Variants in VAV2 observed in about 807,000 individuals in gnomAD.
VAV2 encodes vav guanine nucleotide exchange factor 2, also known as guanine nucleotide exchange factor VAV2.
In VAV2, 67 loss-of-function variants were observed where a neutral mutation model predicts 132.5. The ratio of observed to expected loss-of-function variants is 0.51; its 90% confidence interval spans 0.42 to 0.62. The LOEUF (loss-of-function observed/expected upper bound fraction) is 0.62. Ranked by LOEUF, VAV2 falls within the 20% of genes least tolerant of loss-of-function variation. The pLI, the probability that VAV2 is intolerant of heterozygous loss-of-function variation, is 0.00. For synonymous variants in VAV2, 492 were observed against 443.5 expected, an observed-to-expected ratio of 1.11 and a Z score of -1.37; for missense variants, 938 against 1,153.6, an observed-to-expected ratio of 0.81 and a Z score of 2.71.
chr9:133,972,901 G>T (rs1376883946), intron 1 of VAV2, among the ~76,000 whole-genome samples: 1 of 152,184 alleles, frequency 6.6e-6, no homozygotes, highest in Non-Finnish European at 1.5e-5. Flanking sequence ...TTAGGCACTG[G>T]CTACTCCCAT....
At chr9:133,894,611 CAGG>C (rs1355100860) in intron 2 of VAV2, among the ~76,000 whole-genome samples, 1 of 152,194 alleles carries the variant, frequency 6.6e-6, no homozygotes, top group African/African-American at 2.4e-5. Flanking sequence ...CACAGGCTCC[CAGG>C]AGGAGGAGGG....
chr9:133,897,522 C>G (rs2519781), intron 2 of VAV2, among the ~76,000 whole-genome samples: 150,367 of 152,208 alleles, frequency 0.99, 74,308 homozygotes, highest in East Asian at 1. Flanking sequence ...GGAGGGTGAG[C>G]TCCTTCCTGT....
At chr9:133,785,258 C>A (rs1302739892) in intron 17 of VAV2, among the ~76,000 whole-genome samples, 1 of 152,250 alleles carries the variant, frequency 6.6e-6, no homozygotes, top group African/African-American at 2.4e-5. Flanking sequence ...GCACAGACAA[C>A]CCTGCTGGCC....
At chr9:133,828,834 G>A (rs945979564) in intron 4 of VAV2, among the ~76,000 whole-genome samples, 19 of 152,222 alleles carry the variant, frequency 1.2e-4, no homozygotes, top group East Asian at 3.9e-4. Context: ...CTCCAGCCTC[G>A]CCTTCCACAC....
chr9:133,977,280 C>A (rs1842544359), intron 1 of VAV2, among the ~76,000 whole-genome samples: 1 of 152,220 alleles, frequency 6.6e-6, no homozygotes, highest in Non-Finnish European at 1.5e-5. Flanking sequence ...CAGCTCAGAT[C>A]TGAAGGGGGT....
chr9:133,799,801 C>T (rs1436595227), intron 9 of VAV2, among the ~76,000 whole-genome samples: 1 of 152,182 alleles, frequency 6.6e-6, no homozygotes, highest in Admixed American at 6.5e-5. Context: ...ACAAAAGCTT[C>T]AGAAGCCCCC....
At position 133,795,707 on chromosome 9, in the gene VAV2, A is replaced by G; in HGVS notation, c.1062T>C (p.Pro354=). 6.2e-7 allele frequency: 1 copy of G among 1,614,132 alleles called. No individual in the cohort carries two copies. Among genetic ancestry groups the G allele is most frequent in the Non-Finnish European group, 8.5e-7 (1 of 1,179,982 alleles). The change falls in exon 12 of 30, where the codon CCT becomes CCC. Residue 354 remains proline (P), a synonymous_variant. Coordinates refer to ENST00000371850, the MANE Select transcript of VAV2 (RefSeq NM_001134398.2). ...GTGCTTCTTTGAGCTGCTGCCTCTC[A>G]GGCCGTTCCGCAGAATGGCTCAGAA... ...KELLSHSAER[P]ERQQLKEALE...
intron 4 of VAV2, among the ~76,000 whole-genome samples, chr9:133,822,825 G>C (rs1006965866): frequency 1.3e-5 from 2 of 152,144 alleles, no homozygotes. Context: ...CCCTGGGCCA[G>C]GTCACAAGGA....
At chr9:133,793,338 A>AGCCAG (rs1479838838) in intron 12 of VAV2, among the ~76,000 whole-genome samples, 1 of 151,906 alleles carries the variant, frequency 6.6e-6, no homozygotes, top group Non-Finnish European at 1.5e-5. Flanking sequence ...CCAGAGCCAG[A>AGCCAG]GCCAGGTCTT....
In VAV2 at chr9:133,769,411, C is replaced by T. The variant is rs369873116; in HGVS notation, c.2434+6G>A. On this transcript the variant is annotated splice_donor_region_variant and intron_variant, in intron 28 of 29. Coordinates refer to ENST00000371850, the MANE Select transcript of VAV2 (RefSeq NM_001134398.2). This position sits in a 1 kb window ranked among gnomAD's most constrained non-coding sequence, Gnocchi z 8.1. The stretch of plus-strand genomic sequence containing the variant: ...GGTCCCCCCACGCCCTGGGGAGCAG[C>T]GGTACCTGACCAGAAGGGAGCGGAG... 303 of 1,608,792 alleles carry T rather than the reference C, an allele frequency of 1.9e-4. No individual in the cohort carries two copies. Among genetic ancestry groups the T allele is most frequent in the Non-Finnish European group, 2.4e-4 (288 of 1,177,858 alleles).
At chr9:133,821,398 G>GT (rs1372928494) in intron 4 of VAV2, among the ~76,000 whole-genome samples, 1 of 152,192 alleles carries the variant, frequency 6.6e-6, no homozygotes, top group Non-Finnish European at 1.5e-5. Context: ...AGCCCTTCCT[G>GT]TTTCTAGCTC....
At chr9:133,874,358 C>T (rs946718482) in intron 2 of VAV2, among the ~76,000 whole-genome samples, 18 of 152,272 alleles carry the variant, frequency 1.2e-4, no homozygotes, top group African/African-American at 4.1e-4. Context: ...CTGCAGGAGC[C>T]AGGCACAGAT....
chr9:133,957,190 CT>C (rs1252170362), intron 1 of VAV2, among the ~76,000 whole-genome samples: 1 of 152,204 alleles, frequency 6.6e-6, no homozygotes, highest in Non-Finnish European at 1.5e-5. Flanking sequence ...CGGGCCTCCC[CT>C]GTACCAGCTG....
chr9:133,775,106 G>A, intron 24 of VAV2, 55 bp from the exon 25 acceptor site: 1 of 1,460,760 alleles, frequency 6.8e-7, no homozygotes, highest in Non-Finnish European at 9.3e-7. Context: ...GTGTCTGAGG[G>A]GTGCCCAGCC....
chr9:133,957,287 C>T (rs1365309959), intron 1 of VAV2, among the ~76,000 whole-genome samples: 1 of 152,056 alleles, frequency 6.6e-6, no homozygotes, highest in African/African-American at 2.4e-5. Flanking sequence ...TTTTTTCTCC[C>T]AGTATAGAAA....
chr9:133,804,595 C>T lies in VAV2; in HGVS notation c.836+1486G>A, dbSNP rs868358447. ...CCTCCTCCAGGGCTTCAGCCTTTGA[C>T]GGACCTCGAAGCAAACCACGCCTCA... is the stretch of plus-strand genomic sequence containing the variant. On this transcript the variant is annotated intron_variant, in intron 9 of 29. Transcript: ENST00000371850. The surrounding 1 kb of genome is among the most constrained non-coding windows in gnomAD (Gnocchi z 4.5). Among the ~76,000 whole-genome samples, 26 of 152,316 alleles carry T rather than the reference C, an allele frequency of 1.7e-4. No homozygotes were observed. The highest frequency in any genetic ancestry group is 4.8e-4 in the African/African-American group (20 of 41,564).
At chr9:133,974,038 C>T (rs896744716) in intron 1 of VAV2, among the ~76,000 whole-genome samples, 26 of 152,140 alleles carry the variant, frequency 1.7e-4, no homozygotes, top group African/African-American at 7.2e-5. Context: ...GCTCCCTTCA[C>T]GCTCACCTGG....
rs754198364 is a variant in VAV2 at position 133,784,895 on chromosome 9, G to A, written c.1533-477C>T. Among the ~76,000 whole-genome samples, 10 of 152,196 alleles carry A rather than the reference G, an allele frequency of 6.6e-5. 1 individual carries two copies. In the South Asian group the frequency reaches 1.5e-3, roughly 22 times the overall value. On this transcript the variant is annotated intron_variant, in intron 17 of 29. Coordinates refer to ENST00000371850, the MANE Select transcript of VAV2 (RefSeq NM_001134398.2). Reference sequence around the variant, plus strand: ...TGGCTGGGGTGGGGTGGGGTGACGCGGATGGCGGCAGCGTGGTGAGAAGAC... The same window carrying A: ...TGGCTGGGGTGGGGTGGGGTGACGCAGATGGCGGCAGCGTGGTGAGAAGAC...
intron 16 of VAV2, 54 bp from the exon 17 acceptor site, chr9:133,785,939 G>A: frequency 6.7e-7 from 1 of 1,496,616 alleles, no homozygotes; most frequent in Non-Finnish European, 9.3e-7. Context: ...AGACATCCTG[G>A]CACATGTCCA....
Sources: gnomAD v4.1 joint callset for allele counts (sites outside exome capture counted in the v4.1 genomes callset) on GRCh38, gnomAD v4.1.1 for gene constraint, Gnocchi (gnomAD v3.1) non-coding constraint, MANE v1.5 for transcripts, NCBI Gene and HGNC (gene_info 2026-07-23, HGNC 2026-07-21) for gene names.